Variants in PTPRT observed in about 807,000 individuals in gnomAD.
The protein encoded by PTPRT is protein tyrosine phosphatase receptor type T, also known as receptor-type tyrosine-protein phosphatase T.
PTPRT carries 56 observed loss-of-function variants against 176.8 expected under a neutral mutation model. The ratio of observed to expected loss-of-function variants is 0.32; its 90% CI spans 0.26 to 0.40. PTPRT has a LOEUF of 0.40. PTPRT is among the 10% of genes least tolerant of loss of function. The probability of loss-of-function intolerance (pLI) is 1.00; values close to 1 mark genes in which losing one functional copy is unlikely to be tolerated. For missense variants in PTPRT, 1,540 were observed against 1,908.2 expected, an observed-to-expected ratio of 0.81 and a Z score of 3.60; for synonymous variants, 783 against 739.0, an observed-to-expected ratio of 1.06 and a Z score of -0.96.
chr20:42,346,080 G>A (rs1031493144), intron 11 of PTPRT, among the ~76,000 whole-genome samples: 1 of 152,172 alleles, frequency 6.6e-6, no homozygotes, highest in African/African-American at 2.4e-5. Context: ...AGCATATCCT[G>A]GCGGGTGCAG....
chr20:42,632,961 A>G lies in PTPRT; in HGVS notation c.1153+44905T>C, dbSNP rs375053780. On this transcript the variant is annotated intron_variant, in intron 7 of 30. Transcript: ENST00000373187. ...CAAGTGAAATATTCATAAATAGGACATCTATTTGGCAAAGTAGAAGTTAGG... is the reference window on the plus strand; with the variant it reads ...CAAGTGAAATATTCATAAATAGGACGTCTATTTGGCAAAGTAGAAGTTAGG... Among the ~76,000 whole-genome samples, 53 of 152,290 alleles carry G rather than the reference A, an allele frequency of 3.5e-4. 1 individual carries two copies. The East Asian group carries it at 8.5e-3, about 24-fold the overall frequency.
At chr20:42,421,034 T>C (rs892778936) in intron 9 of PTPRT, among the ~76,000 whole-genome samples, 1 of 152,108 alleles carries the variant, frequency 6.6e-6, no homozygotes, top group African/African-American at 2.4e-5. Flanking sequence ...CAGAGGTGAA[T>C]CATATTAGCC....
rs772565075 is a variant in PTPRT at position 42,161,336 on chromosome 20, C to T, written c.2682+16G>A. On this transcript the variant is annotated intron_variant, in intron 17 of 30. Transcript: ENST00000373187. ...CTGAAACTATCAGGAAGTTTCCCCA[C>T]AGGCTGGTCTCTTACCTCGTATTCC... 6.2e-6 allele frequency: 10 copies of T among 1,613,794 alleles called. No individual in the cohort carries two copies. The highest frequency in any genetic ancestry group is 8.5e-6 in the Non-Finnish European group (10 of 1,179,830).
chr20:42,984,039 C>A (rs912130903), intron 1 of PTPRT, among the ~76,000 whole-genome samples: 2 of 152,234 alleles, frequency 1.3e-5, no homozygotes, highest in South Asian at 2.1e-4. Flanking sequence ...TGTTCGCTCA[C>A]AATCACATGC....
rs143617861 is a variant in PTPRT at position 42,477,008 on chromosome 20, A to G, written c.1154-4446T>C. Among the ~76,000 whole-genome samples, 1,190 of 152,248 alleles carry G rather than the reference A, an allele frequency of 7.8e-3. 10 individuals carry two copies. Among genetic ancestry groups the G allele is most frequent in the African/African-American group, 0.027 (1,126 of 41,528 alleles). On this transcript the variant is annotated intron_variant, in intron 7 of 30. Coordinates refer to ENST00000373187, the MANE Select transcript of PTPRT (RefSeq NM_007050.6). ...CCCCTTCCCCCTTCTCCTTCCACCAAACTGCATCTCTTCCTGCAGGGGGCC... is the reference window on the plus strand; with the variant it reads ...CCCCTTCCCCCTTCTCCTTCCACCAGACTGCATCTCTTCCTGCAGGGGGCC...
intron 11 of PTPRT, among the ~76,000 whole-genome samples, chr20:42,323,283 T>C (rs2057830431): frequency 1.3e-5 from 2 of 152,170 alleles, no homozygotes; most frequent in Non-Finnish European, 2.9e-5. Flanking sequence ...GGATTATAAA[T>C]CATGCTGCTA....
chr20:42,204,304 A>G (rs2055396691), intron 15 of PTPRT, among the ~76,000 whole-genome samples: 1 of 152,136 alleles, frequency 6.6e-6, no homozygotes. Context: ...AAGAAGAAAA[A>G]AAAAATCTCA....
intron 16 of PTPRT, among the ~76,000 whole-genome samples, chr20:42,190,484 C>T (rs1011457290): frequency 1.3e-5 from 2 of 152,174 alleles, no homozygotes; most frequent in Admixed American, 6.5e-5. Context: ...GCCTTCCTCT[C>T]CCAGAGAGGC....
At chr20:43,148,724 C>G (rs1218723774) in intron 1 of PTPRT, among the ~76,000 whole-genome samples, 1 of 152,122 alleles carries the variant, frequency 6.6e-6, no homozygotes, top group Non-Finnish European at 1.5e-5. Context: ...GAAGAAATTT[C>G]CCATAGCAGA....
At chr20:42,655,753 A>G (rs1221136779) in intron 7 of PTPRT, among the ~76,000 whole-genome samples, 1 of 152,212 alleles carries the variant, frequency 6.6e-6, no homozygotes, top group African/African-American at 2.4e-5. Context: ...CTGGGCAAAC[A>G]GTATGATGTT....
chr20:42,983,247 T>C (rs1409149569), intron 1 of PTPRT, among the ~76,000 whole-genome samples: 1 of 152,236 alleles, frequency 6.6e-6, no homozygotes, highest in Admixed American at 6.5e-5. Context: ...TTGTAGCCTG[T>C]CACAGCCATG....
rs138300293 is a variant in PTPRT at position 42,642,741 on chromosome 20, T to G, written c.1153+35125A>C. On this transcript the variant is annotated intron_variant, in intron 7 of 30. Coordinates refer to ENST00000373187, the MANE Select transcript of PTPRT (RefSeq NM_007050.6). ...CAGGATTGTTGAAATGAGTATTGCC[T>G]CAAGGATTAACCCCACTTTGGGAGG... is the stretch of plus-strand genomic sequence containing the variant. Among the ~76,000 whole-genome samples, 650 of 152,244 alleles carry G rather than the reference T, an allele frequency of 4.3e-3. 6 individuals are homozygous for G. The highest frequency in any genetic ancestry group is 0.041 in the Middle Eastern group (12 of 294).
intron 12 of PTPRT, among the ~76,000 whole-genome samples, chr20:42,287,896 T>C (rs2057257718): frequency 6.6e-6 from 1 of 151,726 alleles, no homozygotes; most frequent in Non-Finnish European, 1.5e-5. Flanking sequence ...AAAACTGGGG[T>C]CTATCTACAT....
At chr20:42,979,777 A>G (rs1365333056) in intron 1 of PTPRT, among the ~76,000 whole-genome samples, 1 of 152,078 alleles carries the variant, frequency 6.6e-6, no homozygotes, top group African/African-American at 2.4e-5. Flanking sequence ...CCCAGGGAGT[A>G]TAAAACTTTG....
chr20:43,185,331 A>AGAGT (rs1236576589), intron 1 of PTPRT, among the ~76,000 whole-genome samples: 1 of 152,142 alleles, frequency 6.6e-6, no homozygotes, highest in Non-Finnish European at 1.5e-5. Flanking sequence ...CCACAGCCCC[A>AGAGT]GAGTGCTGTG....
intron 11 of PTPRT, among the ~76,000 whole-genome samples, chr20:42,330,413 TTA>T (rs2057950635): frequency 6.6e-6 from 1 of 151,958 alleles, no homozygotes; most frequent in African/African-American, 2.4e-5. Flanking sequence ...GAGGCAGAGG[TTA>T]CAGTGAGCCA....
At chr20:42,263,099 G>A (rs1323357827) in intron 13 of PTPRT, among the ~76,000 whole-genome samples, 2 of 152,158 alleles carry the variant, frequency 1.3e-5, no homozygotes, top group African/African-American at 2.4e-5. Context: ...AATAAAATTG[G>A]AGAGATAAAA....
chr20:42,186,262 G>A (rs1192765813), intron 16 of PTPRT, among the ~76,000 whole-genome samples: 3 of 151,960 alleles, frequency 2.0e-5, no homozygotes, highest in Non-Finnish European at 4.4e-5. Flanking sequence ...TAGTACAAAA[G>A]CAACCATAGG....
chr20:42,345,605 T>G, intron 11 of PTPRT, among the ~76,000 whole-genome samples: 1 of 140,320 alleles, frequency 7.1e-6, no homozygotes, highest in Non-Finnish European at 1.6e-5. Context: ...TGTGTGTGTG[T>G]GTGTGTGTGT....
Sources: allele counts gnomAD v4.1 joint callset (sites outside exome capture counted in the v4.1 genomes callset), GRCh38; gene constraint gnomAD v4.1.1; transcripts MANE v1.5; gene names NCBI Gene and HGNC (gene_info 2026-07-23, HGNC 2026-07-21).